Variants in TSC22D2 observed in about 807,000 individuals in gnomAD.
TSC22D2 encodes TSC22 domain family member 2.
Under a neutral mutation model 50.1 loss-of-function variants are expected in TSC22D2, and 5 were observed. The ratio of observed to expected loss-of-function variants is 0.10; its 90% confidence interval spans 0.05 to 0.21. The LOEUF is 0.21. Among genes scored for constraint, TSC22D2 ranks in the 10% least tolerant of loss-of-function variants. The pLI, the probability that TSC22D2 is intolerant of heterozygous loss-of-function variation, is 1.00. For missense variants in TSC22D2, 1,003 were observed against 1,015.5 expected (o/e 0.99, Z 0.17); for synonymous variants, 501 against 450.1 (o/e 1.11, Z -1.43).
At chr3:150,431,224 CAAAAAAAAA>C (rs71138443) in intron 1 of TSC22D2, among the ~76,000 whole-genome samples, 7 of 27,970 alleles carry the variant, frequency 2.5e-4, no homozygotes, top group Admixed American at 5.3e-4. Context: ...GGCTCTGTCT[CAAAAAAAAA>C]AAAAAAAAAA....
At chr3:150,447,806 G>C (rs2108097084) in intron 1 of TSC22D2, among the ~76,000 whole-genome samples, 1 of 152,162 alleles carries the variant, frequency 6.6e-6, no homozygotes, top group African/African-American at 2.4e-5. Flanking sequence ...TTCCTCTGAG[G>C]TACCAGTGTA....
intron 1 of TSC22D2, among the ~76,000 whole-genome samples, chr3:150,428,996 T>G (rs1215949571): frequency 6.6e-6 from 1 of 152,178 alleles, no homozygotes; most frequent in Non-Finnish European, 1.5e-5. Context: ...TTCCCCAACT[T>G]TTCTAAATGG....
At chr3:150,439,808 G>A (rs565414258) in intron 1 of TSC22D2, among the ~76,000 whole-genome samples, 1 of 152,238 alleles carries the variant, frequency 6.6e-6, no homozygotes, top group East Asian at 1.9e-4. Flanking sequence ...TTTCTAATGA[G>A]AACATTGGTC....
chr3:150,422,323 C>T (rs1720036891), intron 1 of TSC22D2, among the ~76,000 whole-genome samples: 1 of 152,162 alleles, frequency 6.6e-6, no homozygotes, highest in African/African-American at 2.4e-5. Context: ...GTGAATCATA[C>T]TTACTGGGAG....
At position 150,458,779 on chromosome 3, in the gene TSC22D2, A is replaced by G. The variant is rs1721277830; in HGVS notation, c.*143A>G. On this transcript the variant is annotated 3_prime_UTR_variant, in exon 3 of 3. Coordinates refer to ENST00000688009, the MANE Select transcript of TSC22D2 (RefSeq NM_001303264.2). The stretch of plus-strand genomic sequence containing the variant: ...TTTCAGTATTAGACAATCATTCTAC[A>G]AGAGCTTTTCCTCTCTCTGAGATGT... The G allele has an allele frequency of 1.9e-6, 2 of 1,052,874 alleles. No homozygotes were observed. Among genetic ancestry groups the G allele is most frequent in the Non-Finnish European group, 2.7e-6 (2 of 732,168 alleles). 65.2% of individuals were successfully genotyped at this position (1,052,874 alleles called of 1,614,324 possible).
At chr3:150,425,318 AGT>A (rs1219218942) in intron 1 of TSC22D2, among the ~76,000 whole-genome samples, 2 of 152,204 alleles carry the variant, frequency 1.3e-5, no homozygotes, top group African/African-American at 4.8e-5. Context: ...TGAGGTCAGA[AGT>A]TCGAGACCAG....
At chr3:150,448,577 TATTA>T (rs928293677) in intron 1 of TSC22D2, among the ~76,000 whole-genome samples, 4 of 152,172 alleles carry the variant, frequency 2.6e-5, no homozygotes, top group African/African-American at 7.2e-5. Context: ...TGAAATAGGA[TATTA>T]ATTAAACTTT....
Position 150,459,733 on chromosome 3 carries a change from AT to A in TSC22D2, c.*1099del, listed in dbSNP as rs898111849. On this transcript the variant is annotated 3_prime_UTR_variant, in exon 3 of 3. Coordinates refer to ENST00000688009, the MANE Select transcript of TSC22D2 (RefSeq NM_001303264.2). ...CCTCATGTTTTTATCCAGCACTCTT[AT>A]TGTAATATGTACTAGTCTGTGAACA... The A allele has an allele frequency of 6.6e-6, 1 of 150,386 alleles. No homozygotes were observed. The highest frequency in any genetic ancestry group is 6.7e-5 in the Admixed American group (1 of 14,890). 9.3% of individuals were successfully genotyped at this position (150,386 alleles called of 1,614,324 possible).
At chr3:150,453,374 G>T (rs1351002171) in intron 1 of TSC22D2, among the ~76,000 whole-genome samples, 2 of 152,160 alleles carry the variant, frequency 1.3e-5, no homozygotes, top group African/African-American at 2.4e-5. Context: ...AAAACATCTT[G>T]ATACCCTCAT....
At position 150,431,224 on chromosome 3, in the gene TSC22D2, CAAAAA is replaced by C. The variant is rs71138443; in HGVS notation, c.1958+19939_1958+19943del. 4.5e-3 allele frequency among the ~76,000 whole-genome samples: 127 copies of C among 27,954 alleles called. 1 individual carries two copies. The highest frequency in any genetic ancestry group is 0.019 in the African/African-American group (118 of 6,074). 18.3% of individuals were successfully genotyped at this position (27,954 alleles called of 152,430 possible). A position where few individuals can be genotyped will look rare whatever the true frequency, so the allele number is the denominator to read the frequency against. ...TGGGTGACAGAGTGAGGCTCTGTCT[CAAAAA>C]AAAAAAAAAAAAAAAAAAAAAAGAG... On this transcript the variant is annotated intron_variant, in intron 1 of 2. Transcript: ENST00000688009.
At chr3:150,411,763 A>G (rs1025855485) in intron 1 of TSC22D2, among the ~76,000 whole-genome samples, 24 of 152,044 alleles carry the variant, frequency 1.6e-4, no homozygotes, top group Non-Finnish European at 1.6e-4. Flanking sequence ...AAAAAAATCT[A>G]TGTAAGGAAT....
intron 1 of TSC22D2, among the ~76,000 whole-genome samples, chr3:150,413,820 CT>C (rs1719685349): frequency 6.6e-6 from 1 of 151,740 alleles, no homozygotes; most frequent in South Asian, 2.1e-4. Flanking sequence ...GTGATTTAAA[CT>C]TTGCAAGTAG....
At chr3:150,421,361 T>C (rs1049521751) in intron 1 of TSC22D2, among the ~76,000 whole-genome samples, 4 of 152,004 alleles carry the variant, frequency 2.6e-5, no homozygotes, top group African/African-American at 9.7e-5. Flanking sequence ...AAAACCAGAT[T>C]GAATGTTCAA....
At chr3:150,425,068 G>A (rs1188110589) in intron 1 of TSC22D2, among the ~76,000 whole-genome samples, 2 of 152,164 alleles carry the variant, frequency 1.3e-5, no homozygotes, top group African/African-American at 4.8e-5. Flanking sequence ...GAAGATTTGT[G>A]TGTGTTAAGC....
At chr3:150,451,805 T>A (rs1201121771) in intron 1 of TSC22D2, among the ~76,000 whole-genome samples, 1 of 152,218 alleles carries the variant, frequency 6.6e-6, no homozygotes, top group Non-Finnish European at 1.5e-5. Flanking sequence ...TCTTGTTGAT[T>A]TGTTAATTAG....
At chr3:150,438,867 G>A (rs1280601722) in intron 1 of TSC22D2, among the ~76,000 whole-genome samples, 1 of 151,998 alleles carries the variant, frequency 6.6e-6, no homozygotes, top group Non-Finnish European at 1.5e-5. Flanking sequence ...TACCTAAGAT[G>A]CCAATATCAT....
chr3:150,461,639 A>G lies in TSC22D2; in HGVS notation c.*3003A>G, dbSNP rs1721403700. 1 of 151,592 alleles carries G rather than the reference A, an allele frequency of 6.6e-6. No homozygotes were observed. Among genetic ancestry groups the G allele is most frequent in the Admixed American group, 6.6e-5 (1 of 15,230 alleles). 9.4% of individuals were successfully genotyped at this position (151,592 alleles called of 1,614,324 possible). A position where few individuals can be genotyped will look rare whatever the true frequency, so the allele number is the denominator to read the frequency against. On this transcript the variant is annotated 3_prime_UTR_variant, in exon 3 of 3. Transcript: ENST00000688009. Reference sequence around the variant, plus strand: ...TAGTAGGGGTTAGGAGGCATTAAATAAACAGTTTCCTTAACTCCTGATTGT... The same window carrying G: ...TAGTAGGGGTTAGGAGGCATTAAATGAACAGTTTCCTTAACTCCTGATTGT...
In TSC22D2 at chr3:150,429,781, T is replaced by G. The variant is rs190802601; in HGVS notation, c.1958+18473T>G. Among the ~76,000 whole-genome samples the G allele has an allele frequency of 6.8e-4, 104 of 152,308 alleles. 2 individuals are homozygous for G. The highest frequency in any genetic ancestry group is 5.9e-3 in the Admixed American group (90 of 15,292). ...TGGTCATATTATAAAGTAGTCTCTT[T>G]AACAATACGTGTTTGTCCCCAATTA... is the stretch of plus-strand genomic sequence containing the variant. On this transcript the variant is annotated intron_variant, in intron 1 of 2. Transcript: ENST00000688009.
intron 1 of TSC22D2, among the ~76,000 whole-genome samples, chr3:150,440,041 C>T (rs187391838): frequency 1.0e-3 from 158 of 152,272 alleles, no homozygotes; most frequent in African/African-American, 3.8e-3. Context: ...TTAATTTTCA[C>T]AAAGTCATAT....
Sources: gnomAD v4.1 joint callset for allele counts (sites outside exome capture counted in the v4.1 genomes callset) on GRCh38, gnomAD v4.1.1 for gene constraint, MANE v1.5 for transcripts, NCBI Gene and HGNC (gene_info 2026-07-23, HGNC 2026-07-21) for gene names.